Variants in MLF1 observed in about 807,000 individuals in gnomAD.
MLF1 encodes the protein myeloid leukemia factor 1.
In MLF1, 37 loss-of-function variants were observed where a neutral mutation model predicts 38.3. That is an observed-to-expected ratio of 0.96 (90% CI 0.74 to 1.27). The LOEUF is 1.27. Ranked by LOEUF, MLF1 falls within the 50% of genes most tolerant of loss-of-function variation. The probability of loss-of-function intolerance (pLI) is 0.00; values close to 1 mark genes in which losing one functional copy is unlikely to be tolerated. For synonymous variants in MLF1, 95 were observed against 106.5 expected, an observed-to-expected ratio of 0.89 and a Z score of 0.66; for missense variants, 331 against 349.2, an observed-to-expected ratio of 0.95 and a Z score of 0.42.
At chr3:158,590,634 C>A (rs966589270) in intron 1 of MLF1, 5 of 361,100 alleles carry the variant, frequency 1.4e-5, no homozygotes, top group South Asian at 8.7e-5. Context: ...AAGCTAGACA[C>A]AAAAGATGAC....
At chr3:158,576,206 C>G (rs1486532738) in intron 1 of MLF1, among the ~76,000 whole-genome samples, 5 of 152,226 alleles carry the variant, frequency 3.3e-5, no homozygotes, top group East Asian at 1.9e-4. Context: ...ACTTTGGTAT[C>G]TCATTATGTC....
chr3:158,576,775 T>G (rs1364970729), intron 1 of MLF1, among the ~76,000 whole-genome samples: 1 of 150,742 alleles, frequency 6.6e-6, no homozygotes, highest in Non-Finnish European at 1.5e-5. Context: ...CAGGTTCAAG[T>G]GATTCTCCTG....
chr3:158,574,388 C>T (rs572839332), intron 1 of MLF1, among the ~76,000 whole-genome samples: 30 of 150,778 alleles, frequency 2.0e-4, no homozygotes, highest in African/African-American at 6.6e-4. Flanking sequence ...AAGCCAGAGG[C>T]GAGGCTTGGT....
intron 7 of MLF1, among the ~76,000 whole-genome samples, chr3:158,604,558 G>A (rs984065968): frequency 2.0e-5 from 3 of 152,174 alleles, no homozygotes; most frequent in Non-Finnish European, 4.4e-5. Context: ...ATTAAACAGT[G>A]TTTAAACTAT....
chr3:158,585,307 C>G (rs971658665), intron 1 of MLF1, among the ~76,000 whole-genome samples: 46 of 152,088 alleles, frequency 3.0e-4, no homozygotes, highest in African/African-American at 1.1e-3. Flanking sequence ...CTCCCCACCC[C>G]TCTCTTGCTT....
At chr3:158,583,777 C>A (rs1158309600) in intron 1 of MLF1, among the ~76,000 whole-genome samples, 3 of 152,048 alleles carry the variant, frequency 2.0e-5, no homozygotes, top group Non-Finnish European at 4.4e-5. Flanking sequence ...AAACTGACAT[C>A]ATGAAAGAGA....
intron 7 of MLF1, among the ~76,000 whole-genome samples, chr3:158,603,874 T>A (rs1364726057): frequency 6.6e-6 from 1 of 152,088 alleles, no homozygotes; most frequent in African/African-American, 2.4e-5. Context: ...AGTTTTTAAA[T>A]ACATTTTGTA....
At chr3:158,598,861 G>A (rs12107643) in intron 5 of MLF1, among the ~76,000 whole-genome samples, 86,418 of 151,652 alleles carry the variant, frequency 0.57, 25,393 homozygotes, top group African/African-American at 0.72. Context: ...ATTACTTCAC[G>A]TTTCTGTCAT....
intron 1 of MLF1, among the ~76,000 whole-genome samples, chr3:158,592,017 C>G (rs1407969652): frequency 6.6e-6 from 1 of 152,174 alleles, no homozygotes; most frequent in Admixed American, 6.5e-5. Context: ...ACTTAACCTA[C>G]CGAGTATCAT....
chr3:158,591,045 A>C (rs1718040291), intron 1 of MLF1: 4 of 470,482 alleles, frequency 8.5e-6, no homozygotes, highest in Non-Finnish European at 1.7e-5. Flanking sequence ...GTATACAAAT[A>C]CTATGAAATT....
chr3:158,605,244 A>T lies in MLF1; in HGVS notation c.*42A>T. On this transcript the variant is annotated 3_prime_UTR_variant, in exon 8 of 8. Transcript: ENST00000466246. ...TTTGTTTAGTTTTGATTGTTTTAAC[A>T]GTTAGTAATGGTGCTGGGTAATAAG... The T allele has an allele frequency of 6.8e-7, 1 of 1,481,378 alleles. No individual in the cohort carries two copies. The highest frequency in any genetic ancestry group is 9.3e-7 in the Non-Finnish European group (1 of 1,069,988). 91.8% of individuals were successfully genotyped at this position (1,481,378 alleles called of 1,614,324 possible).
At chr3:158,600,749 AT>A (rs1719631437) in intron 6 of MLF1, among the ~76,000 whole-genome samples, 1 of 49,290 alleles carries the variant, frequency 2.0e-5, no homozygotes, top group Non-Finnish European at 3.5e-5. Context: ...TACTTAAATC[AT>A]TCTGTACTGT....
At chr3:158,603,522 C>T (rs550754599) in intron 7 of MLF1, among the ~76,000 whole-genome samples, 96 of 152,202 alleles carry the variant, frequency 6.3e-4, no homozygotes, top group African/African-American at 2.2e-3. Flanking sequence ...AATAAATTTG[C>T]TGAAACCACA....
At position 158,590,382 on chromosome 3, in the gene MLF1, A is replaced by T. The variant is rs544489919; in HGVS notation, c.48-2052A>T. Reference sequence around the variant, plus strand: ...AACTCTCAGTTACAGTTTTCATAAAATTTACATACTCTTCTAATACAAGCC... The same window carrying T: ...AACTCTCAGTTACAGTTTTCATAAATTTTACATACTCTTCTAATACAAGCC... On this transcript the variant is annotated intron_variant, in intron 1 of 7. Coordinates refer to ENST00000466246, the MANE Select transcript of MLF1 (RefSeq NM_001369783.1). Among the ~76,000 whole-genome samples, 611 of 152,298 alleles carry T rather than the reference A, an allele frequency of 4.0e-3. 4 individuals are homozygous for T. The highest frequency in any genetic ancestry group is 0.014 in the African/African-American group (568 of 41,572).
At chr3:158,602,707 T>G in intron 6 of MLF1, 100 bp from the exon 7 acceptor site, 2 of 1,170,838 alleles carry the variant, frequency 1.7e-6, no homozygotes, top group Non-Finnish European at 2.4e-6. Context: ...GAGGTTACAC[T>G]AATGAAAACA....
In MLF1 at chr3:158,606,450, G is replaced by T. The variant is rs908921556; in HGVS notation, c.*1248G>T. On this transcript the variant is annotated 3_prime_UTR_variant, in exon 8 of 8. Transcript: ENST00000466246. ...TTAGTCATTAAAATAAAATGCAAATGTGTTAATTCATTGTTGAAATTGAGC... is the reference window on the plus strand; with the variant it reads ...TTAGTCATTAAAATAAAATGCAAATTTGTTAATTCATTGTTGAAATTGAGC... The T allele has an allele frequency of 6.4e-6, 1 of 156,536 alleles. No homozygotes were observed. The highest frequency in any genetic ancestry group is 1.4e-5 in the Non-Finnish European group (1 of 71,054). 9.7% of individuals were successfully genotyped at this position (156,536 alleles called of 1,614,324 possible).
chr3:158,579,394 A>T (rs1417883547), intron 1 of MLF1, among the ~76,000 whole-genome samples: 2 of 152,206 alleles, frequency 1.3e-5, no homozygotes, highest in East Asian at 3.8e-4. Context: ...ACTCACTAGA[A>T]GTTTCAGCCA....
At chr3:158,585,193 A>G (rs1341615221) in intron 1 of MLF1, among the ~76,000 whole-genome samples, 2 of 152,084 alleles carry the variant, frequency 1.3e-5, no homozygotes, top group Non-Finnish European at 1.5e-5. Flanking sequence ...TCCTTCATTA[A>G]TAGATTAATG....
At chr3:158,584,772 C>T (rs936075106) in intron 1 of MLF1, among the ~76,000 whole-genome samples, 1 of 151,654 alleles carries the variant, frequency 6.6e-6, no homozygotes, top group Non-Finnish European at 1.5e-5. Context: ...TTTGGCTTCT[C>T]TGTACCACAT....
Sources: allele counts gnomAD v4.1 joint callset (sites outside exome capture counted in the v4.1 genomes callset), GRCh38; gene constraint gnomAD v4.1.1; transcripts MANE v1.5; gene names NCBI Gene and HGNC (gene_info 2026-07-23, HGNC 2026-07-21).